UNC45B: variants seen among roughly 807,000 people sequenced by gnomAD.
UNC45B encodes protein unc-45 homolog B.
In UNC45B, 78 loss-of-function variants were observed where a neutral mutation model predicts 98.7. The ratio of observed to expected loss-of-function variants is 0.79; its 90% confidence interval spans 0.66 to 0.95. The LOEUF (loss-of-function observed/expected upper bound fraction) is 0.95. Ranked by LOEUF, UNC45B falls within the 40% of genes least tolerant of loss-of-function variation. UNC45B has a pLI of 0.00. For missense variants in UNC45B, 1,225 were observed against 1,184.9 expected (o/e 1.03, Z -0.50); for synonymous variants, 462 against 480.4 (o/e 0.96, Z 0.50).
chr17:35,177,440 G>T, intron 16 of UNC45B, 55 bp from the exon 17 acceptor site: 1 of 1,304,066 alleles, frequency 7.7e-7, no homozygotes, highest in Non-Finnish European at 1.1e-6. Flanking sequence ...ATAAATGTGA[G>T]GCACTCAGGG....
At chr17:35,177,157 G>A in intron 16 of UNC45B, 27 bp downstream of exon 16, 3 of 1,594,282 alleles carry the variant, frequency 1.9e-6, no homozygotes, top group Non-Finnish European at 2.6e-6. Context: ...ATGGGATAGG[G>A]CAATGGGAGG....
rs116904974 is a variant in UNC45B, at chr17:35,173,612, A to C, written c.1831-630A>C. ...GGTGACCTTGAACCACTCTGACCTC[A>C]CTTCCATTCCATTGTTACATCTCCT... On this transcript the variant is annotated intron_variant, in intron 13 of 19. Coordinates refer to ENST00000394570, the MANE Select transcript of UNC45B (RefSeq NM_001267052.2). 3.0e-3 allele frequency among the ~76,000 whole-genome samples: 449 copies of C among 152,050 alleles called. 11 individuals carry two copies. The East Asian group carries it at 0.057, about 19-fold the overall frequency.
chr17:35,178,385 G>A (rs926992110), intron 17 of UNC45B, among the ~76,000 whole-genome samples: 14 of 152,054 alleles, frequency 9.2e-5, no homozygotes, highest in South Asian at 2.1e-4. Flanking sequence ...TTTTTGATGC[G>A]GTTGTTTTTT....
chr17:35,153,827 C>T (rs1181858210), intron 5 of UNC45B, among the ~76,000 whole-genome samples: 1 of 151,888 alleles, frequency 6.6e-6, no homozygotes, highest in Non-Finnish European at 1.5e-5. Flanking sequence ...CATCTCTTTG[C>T]CCACCTCCTC....
At position 35,176,043 on chromosome 17, in the gene UNC45B, G is replaced by A. The variant is rs752124873; in HGVS notation, c.2025+9G>A. On this transcript the variant is annotated intron_variant, in intron 15 of 19. Coordinates refer to ENST00000394570, the MANE Select transcript of UNC45B (RefSeq NM_001267052.2). The stretch of plus-strand genomic sequence containing the variant: ...CTCAAGGTGGTGGCAAGGTAACTGG[G>A]CAGGTGCCTTCCTAGAAGGTGCCTT... 9.3e-6 allele frequency: 15 copies of A among 1,613,878 alleles called. No individual in the cohort carries two copies. Among genetic ancestry groups the A allele is most frequent in the Non-Finnish European group, 1.3e-5 (15 of 1,179,886 alleles).
chr17:35,149,891 A>G lies in UNC45B; in HGVS notation c.206-157A>G, dbSNP rs75049224. On this transcript the variant is annotated intron_variant, in intron 3 of 19. Coordinates refer to ENST00000394570, the MANE Select transcript of UNC45B (RefSeq NM_001267052.2). ...CTGTGGATCTTACTGTCTCCCTAAC[A>G]AAGGGGAGGTAAGGGCCAGAGAGTC... Among the ~76,000 whole-genome samples, 776 of 152,298 alleles carry G rather than the reference A, an allele frequency of 5.1e-3. 10 individuals are homozygous for G. Among genetic ancestry groups the G allele is most frequent in the African/African-American group, 0.018 (735 of 41,546 alleles).
intron 2 of UNC45B, 142 bp downstream of exon 2, chr17:35,148,573 A>G (rs567885945): frequency 2.1e-6 from 2 of 940,458 alleles, no homozygotes; most frequent in African/African-American, 1.7e-5. Flanking sequence ...GGTGCCTCCA[A>G]CCCCCTGACC....
chr17:35,180,039 T>G (rs1391325144), intron 17 of UNC45B, among the ~76,000 whole-genome samples: 3 of 152,136 alleles, frequency 2.0e-5, no homozygotes, highest in Non-Finnish European at 4.4e-5. Flanking sequence ...GGCCTAAGCA[T>G]AAAGGAAATT....
chr17:35,168,583 G>T (rs1252099811), intron 10 of UNC45B, among the ~76,000 whole-genome samples: 1 of 152,134 alleles, frequency 6.6e-6, no homozygotes, highest in African/African-American at 2.4e-5. Flanking sequence ...GAGGACGTTC[G>T]TCTCCCTGCT....
rs2091984720 is a variant in UNC45B at position 35,147,886 on chromosome 17, C to T, written c.-25C>T. ...GGAGCAGCATCACAAGAGGGCAGAT[C>T]GAAAGCATCGTCCTTGCTGAAAAAG... is the stretch of plus-strand genomic sequence containing the variant. On this transcript the variant is annotated 5_prime_UTR_variant, in exon 1 of 20. Coordinates refer to ENST00000394570, the MANE Select transcript of UNC45B (RefSeq NM_001267052.2). 3 of 190,946 alleles carry T rather than the reference C, an allele frequency of 1.6e-5. No homozygotes were observed. The highest frequency in any genetic ancestry group is 2.1e-4 in the South Asian group (2 of 9,472). 11.8% of individuals were successfully genotyped at this position (190,946 alleles called of 1,614,324 possible).
Position 35,148,382 on chromosome 17 carries a change from C to T in UNC45B, c.119C>T (p.Ala40Val). 6.2e-7 allele frequency: 1 copy of T among 1,614,092 alleles called. No homozygotes were observed. Among genetic ancestry groups the T allele is most frequent in the Non-Finnish European group, 8.5e-7 (1 of 1,180,018 alleles). ...SQALKLTKDK[A>V]LLATLYRNRA... The stretch of plus-strand genomic sequence containing the variant: ...GCCCTGAAGCTGACCAAGGACAAGG[C>T]CCTGCTGGCCACGCTTTATCGGAAC... Residue 40 changes from alanine (A) to valine (V), a missense_variant, in exon 2 of 20, where the codon GCC becomes GTC. Ala to Val is a moderately conservative substitution (Grantham distance 64, BLOSUM62 0). Coordinates refer to ENST00000394570, the MANE Select transcript of UNC45B (RefSeq NM_001267052.2).
At chr17:35,178,628 A>G (rs2092252557) in intron 17 of UNC45B, among the ~76,000 whole-genome samples, 3 of 152,066 alleles carry the variant, frequency 2.0e-5, no homozygotes, top group Non-Finnish European at 4.4e-5. Flanking sequence ...CTATGTCCTG[A>G]ATGGTATTGC....
chr17:35,184,574 G>C (rs2092292571), intron 19 of UNC45B, among the ~76,000 whole-genome samples: 1 of 152,190 alleles, frequency 6.6e-6, no homozygotes, highest in Admixed American at 6.5e-5. Flanking sequence ...GTTGCCCTAA[G>C]TGTTTACATT....
chr17:35,185,828 G>A (rs1169985779), intron 19 of UNC45B, among the ~76,000 whole-genome samples: 1 of 152,152 alleles, frequency 6.6e-6, no homozygotes, highest in African/African-American at 2.4e-5. Flanking sequence ...AAGTTATGCT[G>A]ATTCCTTTAG....
Position 35,154,697 on chromosome 17 carries a change from G to T in UNC45B, c.595G>T (p.Ala199Ser). Reference protein sequence around the residue: ...DTKKPELVLAAVRTLSGMCSG... With the variant: ...DTKKPELVLASVRTLSGMCSG... ...TAAGAAGCCTGAGCTGGTGCTGGCT[G>T]CAGTGCGGACCCTGTCGGGCATGTG... Residue 199 changes from alanine (A) to serine (S), a missense_variant, in exon 6 of 20, where the codon GCA becomes TCA. Physicochemically the swap from Ala to Ser is moderately conservative, Grantham distance 99 (BLOSUM62 1). Transcript: ENST00000394570. The T allele has an allele frequency of 2.5e-6, 4 of 1,611,164 alleles. No homozygotes were observed. The highest frequency in any genetic ancestry group is 3.4e-6 in the Non-Finnish European group (4 of 1,179,338).
chr17:35,156,682 A>T (rs972566735), intron 7 of UNC45B, among the ~76,000 whole-genome samples: 38 of 152,344 alleles, frequency 2.5e-4, no homozygotes, highest in Non-Finnish European at 4.4e-4. Flanking sequence ...GCTTAAAAAA[A>T]GTAACAGAGG....
Position 35,164,078 on chromosome 17 carries a change from G to T in UNC45B, c.1063G>T (p.Ala355Ser), listed in dbSNP as rs201319738. ...CCTGACTGACAACACCCGCATGCTG[G>T]CCTCTATCCTCATCAACAAGCTCTA... ...LPLTDNTRML[A>S]SILINKLYDD... Residue 355 changes from alanine (A) to serine (S), a missense_variant, in exon 9 of 20, where the codon GCC becomes TCC. Transcript: ENST00000394570. 3.7e-6 allele frequency: 6 copies of T among 1,613,920 alleles called. No homozygotes were observed. Among genetic ancestry groups the T allele is most frequent in the Non-Finnish European group, 8.5e-7 (1 of 1,180,000 alleles).
Position 35,169,945 on chromosome 17 carries a change from G to A in UNC45B, c.1547+14G>A, listed in dbSNP as rs2092171193. On this transcript the variant is annotated intron_variant, in intron 11 of 19. Transcript: ENST00000394570. ...ACAGTGTCGCAAGTAAGGGGGCTGT[G>A]TTTCCCAGGCCCTCCATCTCCTCAT... 1 of 1,614,178 alleles carries A rather than the reference G, an allele frequency of 6.2e-7. No homozygotes were observed. Among genetic ancestry groups the A allele is most frequent in the African/African-American group, 1.3e-5 (1 of 75,060 alleles).
chr17:35,177,158 C>A (rs778679689), intron 16 of UNC45B, 28 bp downstream of exon 16: 2 of 1,592,204 alleles, frequency 1.3e-6, no homozygotes, highest in Non-Finnish European at 1.7e-6. Flanking sequence ...TGGGATAGGG[C>A]AATGGGAGGG....
Sources: gnomAD v4.1 joint callset for allele counts (sites outside exome capture counted in the v4.1 genomes callset) on GRCh38, gnomAD v4.1.1 for gene constraint, MANE v1.5 for transcripts, NCBI Gene and HGNC (gene_info 2026-07-23, HGNC 2026-07-21) for gene names.